Variants in CEP83 observed in about 807,000 individuals in gnomAD.
The protein encoded by CEP83 is centrosomal protein of 83 kDa.
Under a neutral mutation model 101.9 loss-of-function variants are expected in CEP83, and 70 were observed. That is an observed-to-expected ratio of 0.69 (90% CI 0.57 to 0.84). The LOEUF (loss-of-function observed/expected upper bound fraction) is 0.84, where lower values mean the gene tolerates loss of function less well. Among genes scored for constraint, CEP83 ranks in the 40% least tolerant of loss-of-function variants. The pLI, the probability that CEP83 is intolerant of heterozygous loss-of-function variation, is 0.00. For missense variants in CEP83, 715 were observed against 787.2 expected (o/e 0.91, Z 1.10); for synonymous variants, 264 against 267.9 (o/e 0.99, Z 0.14).
chr12:94,320,992 A>G (rs1342479512), intron 14 of CEP83, among the ~76,000 whole-genome samples: 1 of 151,984 alleles, frequency 6.6e-6, no homozygotes, highest in Non-Finnish European at 1.5e-5. Context: ...TTTCTCCCCA[A>G]CCCTTTCAGG....
At chr12:94,284,825 G>C in the CEP83 span, among the ~76,000 whole-genome samples, 7 of 152,198 alleles carry the variant, frequency 4.6e-5, no homozygotes, top group Non-Finnish European at 1.0e-4. Flanking sequence ...GGAGTTCTGA[G>C]TCTTATCCCA....
chr12:94,364,232 C>A lies in CEP83; in HGVS notation c.1343+3562G>T, dbSNP rs190376346. ...GTATTCAATACCACTGAATTGTACACTTAAAAATAGTTAAGATGGTAGATT... is the reference window on the plus strand; with the variant it reads ...GTATTCAATACCACTGAATTGTACAATTAAAAATAGTTAAGATGGTAGATT... On this transcript the variant is annotated intron_variant, in intron 11 of 16. Coordinates refer to ENST00000397809, the MANE Select transcript of CEP83 (RefSeq NM_016122.3). Among the ~76,000 whole-genome samples, 97 of 152,106 alleles carry A rather than the reference C, an allele frequency of 6.4e-4. 1 individual carries two copies. The East Asian group carries it at 0.011, about 17-fold the overall frequency.
chr12:94,407,473 T>C (rs1373352122), intron 4 of CEP83, among the ~76,000 whole-genome samples: 2 of 152,198 alleles, frequency 1.3e-5, no homozygotes, highest in Admixed American at 6.5e-5. Flanking sequence ...TAGCATTATA[T>C]GTTCAATTAC....
chr12:94,455,740 T>C (rs1048170596), intron 1 of CEP83, among the ~76,000 whole-genome samples: 1 of 152,306 alleles, frequency 6.6e-6, no homozygotes, highest in Non-Finnish European at 1.5e-5. Flanking sequence ...TCCTGGATTA[T>C]AGCTCAGTTA....
chr12:94,267,925 C>T, the CEP83 span, among the ~76,000 whole-genome samples: 1 of 152,040 alleles, frequency 6.6e-6, no homozygotes, highest in Non-Finnish European at 1.5e-5. Flanking sequence ...CCCAAATTTG[C>T]CTGAGGTGGT....
At chr12:94,446,818 T>A (rs2066843149) in intron 1 of CEP83, among the ~76,000 whole-genome samples, 1 of 152,172 alleles carries the variant, frequency 6.6e-6, no homozygotes, top group Non-Finnish European at 1.5e-5. Flanking sequence ...AAAGAAGTTT[T>A]GAAGAAATAA....
chr12:94,276,985 G>A, the CEP83 span: 2 of 152,220 alleles, frequency 1.3e-5, no homozygotes, highest in Admixed American at 6.5e-5. Flanking sequence ...GTTGAGACCA[G>A]AACAAAATTT....
chr12:94,320,462 T>C (rs944917134), intron 14 of CEP83, among the ~76,000 whole-genome samples: 4 of 152,160 alleles, frequency 2.6e-5, no homozygotes, highest in Admixed American at 6.5e-5. Context: ...AGTGTGTTTC[T>C]GTATTGGCTG....
At chr12:94,284,366 C>A in the CEP83 span, among the ~76,000 whole-genome samples, 1 of 152,082 alleles carries the variant, frequency 6.6e-6, no homozygotes, top group African/African-American at 2.4e-5. Flanking sequence ...CAGTCTACAT[C>A]CAGAAATGAG....
At chr12:94,431,069 T>C (rs940331862) in intron 2 of CEP83, among the ~76,000 whole-genome samples, 2 of 152,178 alleles carry the variant, frequency 1.3e-5, no homozygotes, top group Middle Eastern at 3.4e-3. Flanking sequence ...GGATAACAAT[T>C]CTAAACATAT....
At chr12:94,273,978 C>T in the CEP83 span, among the ~76,000 whole-genome samples, 7 of 151,828 alleles carry the variant, frequency 4.6e-5, 1 homozygote, top group Admixed American at 4.6e-4. Flanking sequence ...CCATCCTAGT[C>T]ACAAGATGGC....
At chr12:94,386,983 A>T (rs1291266536) in intron 6 of CEP83, among the ~76,000 whole-genome samples, 1 of 152,220 alleles carries the variant, frequency 6.6e-6, no homozygotes, top group Non-Finnish European at 1.5e-5. Context: ...ATGCTCAACA[A>T]AGTTGACAAA....
intron 6 of CEP83, among the ~76,000 whole-genome samples, chr12:94,388,969 A>T (rs2062340853): frequency 1.3e-5 from 2 of 152,108 alleles, no homozygotes; most frequent in South Asian, 4.1e-4. Context: ...TCTACTAAAA[A>T]TAGAAAAATT....
At chr12:94,426,869 C>A (rs914115768) in intron 2 of CEP83, among the ~76,000 whole-genome samples, 6 of 152,092 alleles carry the variant, frequency 3.9e-5, no homozygotes, top group Admixed American at 3.3e-4. Context: ...CCTACAGCCA[C>A]AAAAAGCTGG....
intron 6 of CEP83, among the ~76,000 whole-genome samples, chr12:94,398,483 T>C (rs899898530): frequency 2.4e-4 from 36 of 152,228 alleles, no homozygotes; most frequent in Non-Finnish European, 7.3e-5. Context: ...CTTATGCCTG[T>C]CTTACTTCAA....
intron 1 of CEP83, among the ~76,000 whole-genome samples, chr12:94,440,461 A>T (rs2066317059): frequency 6.6e-6 from 1 of 151,978 alleles, no homozygotes; most frequent in South Asian, 2.1e-4. Context: ...AAAATAAAAT[A>T]CTTAGGAATA....
At chr12:94,419,066 ATCTT>A (rs895306925) in intron 2 of CEP83, among the ~76,000 whole-genome samples, 1 of 152,022 alleles carries the variant, frequency 6.6e-6, no homozygotes, top group African/African-American at 2.4e-5. Context: ...AAAAAAAAAA[ATCTT>A]TATATACACA....
Position 94,437,105 on chromosome 12 carries a change from A to T in CEP83, c.-154-1778T>A, listed in dbSNP as rs111875679. Among the ~76,000 whole-genome samples, 581 of 152,056 alleles carry T rather than the reference A, an allele frequency of 3.8e-3. 3 individuals carry two copies. Among genetic ancestry groups the T allele is most frequent in the African/African-American group, 0.013 (557 of 41,478 alleles). On this transcript the variant is annotated intron_variant, in intron 1 of 16. Transcript: ENST00000397809. ...CATGCCTGTAATCCAGCACTTCGGG[A>T]GGCCAAGGCAGGAGGATCACTCAAG... is the stretch of plus-strand genomic sequence containing the variant.
chr12:94,358,806 G>A (rs1391519822), intron 11 of CEP83, among the ~76,000 whole-genome samples: 1 of 152,202 alleles, frequency 6.6e-6, no homozygotes, highest in Non-Finnish European at 1.5e-5. Flanking sequence ...GCAAATCTAA[G>A]AAGGGAGACA....
Sources: allele counts gnomAD v4.1 joint callset (sites outside exome capture counted in the v4.1 genomes callset), GRCh38; gene constraint gnomAD v4.1.1; transcripts MANE v1.5; gene names NCBI Gene and HGNC (gene_info 2026-07-23, HGNC 2026-07-21).